The following PCDHGA12 variants were observed in gnomAD, a reference collection of about 807,000 sequenced individuals.
The protein encoded by PCDHGA12 is protocadherin gamma-A12.
In PCDHGA12, 43 loss-of-function variants were observed where a neutral mutation model predicts 61.1. The observed-to-expected ratio is 0.70, with a 90% CI of 0.55 to 0.91. The LOEUF (loss-of-function observed/expected upper bound fraction) is 0.91, where lower values mean the gene tolerates loss of function less well. Ranked by LOEUF, PCDHGA12 falls within the 40% of genes least tolerant of loss-of-function variation. PCDHGA12 has a pLI of 0.00. For synonymous variants in PCDHGA12, 520 were observed against 542.9 expected (o/e 0.96, Z 0.59); for missense variants, 1,236 against 1,227.7 (o/e 1.01, Z -0.10).
chr5:141,436,040 C>A (rs989038133), intron 1 of PCDHGA12, among the ~76,000 whole-genome samples: 2 of 152,060 alleles, frequency 1.3e-5, no homozygotes, highest in African/African-American at 4.8e-5. Context: ...TTTGTATTTA[C>A]ATTAGTTTTC....
At chr5:141,478,804 G>C (rs765938054) in intron 1 of PCDHGA12, 48 of 1,462,396 alleles carry the variant, frequency 3.3e-5, no homozygotes, top group Non-Finnish European at 4.1e-5. Context: ...GCACTCTTTT[G>C]CTATCACAAC....
chr5:141,481,877 G>A (rs535267598), intron 1 of PCDHGA12, among the ~76,000 whole-genome samples: 4 of 144,402 alleles, frequency 2.8e-5, no homozygotes, highest in African/African-American at 7.8e-5. Context: ...TCGCGCCACT[G>A]CACTCCAGCC....
chr5:141,459,581 G>A (rs945690319), intron 1 of PCDHGA12, among the ~76,000 whole-genome samples: 1 of 152,138 alleles, frequency 6.6e-6, no homozygotes, highest in Non-Finnish European at 1.5e-5. Flanking sequence ...AATTGTTTTG[G>A]GGGTCATATG....
chr5:141,464,676 T>C (rs1337677151), intron 1 of PCDHGA12, among the ~76,000 whole-genome samples: 3 of 152,176 alleles, frequency 2.0e-5, no homozygotes, highest in Non-Finnish European at 2.9e-5. Context: ...ATAATTTTAA[T>C]TAAAATTTCT....
chr5:141,485,387 C>T lies in PCDHGA12; in HGVS notation c.2425-9420C>T. The T allele has an allele frequency of 6.2e-7, 1 of 1,614,078 alleles. No homozygotes were observed. Among genetic ancestry groups the T allele is most frequent in the Non-Finnish European group, 8.5e-7 (1 of 1,179,994 alleles). On this transcript the variant is annotated intron_variant, in intron 1 of 3. Coordinates refer to ENST00000252085, the MANE Select transcript of PCDHGA12 (RefSeq NM_003735.3). This position sits in a 1 kb window ranked among gnomAD's most constrained non-coding sequence, Gnocchi z 5.7. ...GCTGCAGGTCGCTGGAGAGGTGAAC[C>T]AAAGACACTTCCGTGTGGATTTGGA...
intron 1 of PCDHGA12, chr5:141,441,037 A>G (rs1318122240): frequency 6.6e-6 from 1 of 152,194 alleles, no homozygotes; most frequent in Admixed American, 6.5e-5. Context: ...GAAAACTTTA[A>G]GTACATTGGA....
rs1333951046 is a variant in PCDHGA12, at chr5:141,485,847, C to T, written c.2425-8960C>T. 10 of 1,614,092 alleles carry T rather than the reference C, an allele frequency of 6.2e-6. No individual in the cohort carries two copies. In the African/African-American group the frequency reaches 8.0e-5, roughly 13 times the overall value. On this transcript the variant is annotated intron_variant, in intron 1 of 3. Transcript: ENST00000252085. This position sits in a 1 kb window ranked among gnomAD's most constrained non-coding sequence, Gnocchi z 5.7. ...GGAGGGAACCCGCCGAGATCTGGCA[C>T]CGCAGAGCTCCGGGTATCCGTGCTG...
At position 141,487,051 on chromosome 5, in the gene PCDHGA12, G is replaced by A. The variant is rs1348441475; in HGVS notation, c.2425-7756G>A. The A allele has an allele frequency of 3.7e-6, 6 of 1,614,024 alleles. No individual in the cohort carries two copies. The highest frequency in any genetic ancestry group is 5.1e-6 in the Non-Finnish European group (6 of 1,180,024). On this transcript the variant is annotated intron_variant, in intron 1 of 3. Coordinates refer to ENST00000252085, the MANE Select transcript of PCDHGA12 (RefSeq NM_003735.3). This position sits in a 1 kb window ranked among gnomAD's most constrained non-coding sequence, Gnocchi z 5.0. ...TGTTTGCAGTCTCTCGATATGCTGG[G>A]GAGGTGCGGACGGCTGTTCCTATCC... is the stretch of plus-strand genomic sequence containing the variant.
In PCDHGA12 at chr5:141,490,134, C is replaced by G; in HGVS notation, c.2425-4673C>G. On this transcript the variant is annotated intron_variant, in intron 1 of 3. Transcript: ENST00000252085. This position sits in a 1 kb window ranked among gnomAD's most constrained non-coding sequence, Gnocchi z 5.4. ...GGAACCTCTTTGGCCTAGACCCTAG[C>G]AGTGGGGCAATCCATGTGTTGGGTC... The G allele has an allele frequency of 1.2e-6, 2 of 1,614,232 alleles. No homozygotes were observed. The highest frequency in any genetic ancestry group is 1.7e-6 in the Non-Finnish European group (2 of 1,180,030).
intron 3 of PCDHGA12, among the ~76,000 whole-genome samples, chr5:141,507,713 C>T (rs2099862763): frequency 6.6e-6 from 1 of 152,234 alleles, no homozygotes; most frequent in Non-Finnish European, 1.5e-5. Flanking sequence ...GGCCCCAAAC[C>T]CTCCAAGCAA....
chr5:141,432,575 T>TACC lies in PCDHGA12; in HGVS notation c.1817_1819dup (p.Tyr606_Arg607insHis), dbSNP rs1044250629. 6.2e-7 allele frequency: 1 copy of TACC among 1,613,326 alleles called. No individual in the cohort carries two copies. The highest frequency in any genetic ancestry group is 1.3e-5 in the African/African-American group (1 of 74,718). ...CTCCGGCCAGAACGCCTGGCTGTCC[T>TACC]ACCGTCTGCTCAAGGCCAGCGAGCC... On this transcript the variant is annotated inframe_insertion, in exon 1 of 4. Transcript: ENST00000252085. This position sits in a 1 kb window ranked among gnomAD's most constrained non-coding sequence, Gnocchi z 6.0.
intron 1 of PCDHGA12, chr5:141,492,027 A>T (rs1157170828): frequency 8.8e-6 from 5 of 565,466 alleles, no homozygotes; most frequent in African/African-American, 7.7e-5. Flanking sequence ...GGGTCCCGGG[A>T]GGAGGCAGTC....
At chr5:141,483,737 G>T (rs1052778197) in intron 1 of PCDHGA12, among the ~76,000 whole-genome samples, 1 of 152,102 alleles carries the variant, frequency 6.6e-6, no homozygotes, top group Admixed American at 6.5e-5. Flanking sequence ...TAGTCAAAAG[G>T]ATATTCCTGA....
chr5:141,501,292 C>CACAT (rs200296563), intron 2 of PCDHGA12, among the ~76,000 whole-genome samples: 14,029 of 50,334 alleles, frequency 0.28, 723 homozygotes, highest in Admixed American at 0.4. Flanking sequence ...TTCCCTTATA[C>CACAT]ACACACACAC....
At chr5:141,459,606 T>G (rs1430790771) in intron 1 of PCDHGA12, among the ~76,000 whole-genome samples, 1 of 152,250 alleles carries the variant, frequency 6.6e-6, no homozygotes, top group Non-Finnish European at 1.5e-5. Context: ...GGGAAGTATA[T>G]GCTTAACTTT....
rs376996144 is a variant in PCDHGA12, at chr5:141,491,534, G to C, written c.2425-3273G>C. 3.7e-6 allele frequency: 6 copies of C among 1,613,912 alleles called. No homozygotes were observed. The highest frequency in any genetic ancestry group is 1.3e-5 in the African/African-American group (1 of 74,928). ...CTCAAGTACATGGAGGTGACGCTGC[G>C]GCCCACAGACTCGCAGAGCCACTGC... On this transcript the variant is annotated intron_variant, in intron 1 of 3. Coordinates refer to ENST00000252085, the MANE Select transcript of PCDHGA12 (RefSeq NM_003735.3). This position sits in a 1 kb window ranked among gnomAD's most constrained non-coding sequence, Gnocchi z 6.9.
In PCDHGA12 at chr5:141,476,574, G is replaced by C. The variant is rs746783993; in HGVS notation, c.2425-18233G>C. The C allele has an allele frequency of 1.1e-5, 18 of 1,614,084 alleles. No homozygotes were observed. The Admixed American group carries it at 1.8e-4, about 16-fold the overall frequency. On this transcript the variant is annotated intron_variant, in intron 1 of 3. Coordinates refer to ENST00000252085, the MANE Select transcript of PCDHGA12 (RefSeq NM_003735.3). The surrounding 1 kb of genome is among the most constrained non-coding windows in gnomAD (Gnocchi z 7.6). ...AGCGAGGCCGTGGCTCCGGGGACGC[G>C]CTTTCCGCTCGAGAGCGCGCACGAT...
intron 3 of PCDHGA12, among the ~76,000 whole-genome samples, chr5:141,505,782 T>A (rs1163025757): frequency 6.6e-6 from 1 of 152,204 alleles, no homozygotes; most frequent in Non-Finnish European, 1.5e-5. Context: ...CTAGCTCTGC[T>A]ACTATCCTTG....
chr5:141,505,413 C>G lies in PCDHGA12; in HGVS notation c.2504C>G (p.Thr835Ser). ...CCCAGCTCCCAAAATGGCGATGACA[C>G]CGGCACCTGGCCCAACAACCAGTTT... Reference protein sequence around the residue: ...GTSGSQNGDDTGTWPNNQFDT... With the variant: ...GTSGSQNGDDSGTWPNNQFDT... Residue 835 changes from threonine to serine, a missense_variant, in exon 3 of 4, where the codon ACC (threonine) becomes AGC (serine). Physicochemically the swap from Thr to Ser is moderately conservative, Grantham distance 58. Coordinates refer to ENST00000252085, the MANE Select transcript of PCDHGA12 (RefSeq NM_003735.3). 2.5e-6 allele frequency: 4 copies of G among 1,614,202 alleles called. No individual in the cohort carries two copies. In the South Asian group the frequency reaches 4.4e-5, roughly 18 times the overall value.
Sources: allele counts gnomAD v4.1 joint callset (sites outside exome capture counted in the v4.1 genomes callset), GRCh38; gene constraint gnomAD v4.1.1; non-coding constraint Gnocchi (gnomAD v3.1); transcripts MANE v1.5; gene names NCBI Gene and HGNC (gene_info 2026-07-23, HGNC 2026-07-21).